Variants in SLC16A4 observed in about 807,000 individuals in gnomAD.
The protein encoded by SLC16A4 is solute carrier family 16 member 4.
In SLC16A4, 39 loss-of-function variants were observed where a neutral mutation model predicts 47.9. That is an observed-to-expected ratio of 0.81 (90% CI 0.63 to 1.06). SLC16A4 has a LOEUF of 1.06. Among genes scored for constraint, SLC16A4 ranks in the 50% least tolerant of loss-of-function variants. The pLI is 0.00. For synonymous variants in SLC16A4, 189 were observed against 199.9 expected (o/e 0.95, Z 0.46); for missense variants, 524 against 573.8 (o/e 0.91, Z 0.89).
intron 8 of SLC16A4, among the ~76,000 whole-genome samples, chr1:110,364,247 T>C (rs1354031283): frequency 2.0e-5 from 3 of 152,208 alleles, no homozygotes; most frequent in Non-Finnish European, 4.4e-5. Context: ...TTTCCTTTAC[T>C]AAACAAAGAC....
At chr1:110,380,935 C>T (rs779693345) in intron 5 of SLC16A4, 47 bp downstream of exon 5, 11 of 1,545,752 alleles carry the variant, frequency 7.1e-6, no homozygotes, top group South Asian at 1.1e-5. Flanking sequence ...GAAAGCTGAA[C>T]GCTAAATCTT....
chr1:110,376,873 A>G, intron 7 of SLC16A4, 77 bp downstream of exon 7: 4 of 1,166,716 alleles, frequency 3.4e-6, no homozygotes, highest in Non-Finnish European at 4.9e-6. Flanking sequence ...AATACAAAAT[A>G]CGTATTTTGG....
At chr1:110,380,636 GC>G (rs1406761431) in intron 5 of SLC16A4, among the ~76,000 whole-genome samples, 1 of 112,532 alleles carries the variant, frequency 8.9e-6, no homozygotes, top group African/African-American at 3.3e-5. Context: ...TGGGGCGGGG[GC>G]GGGGGGGGAA....
chr1:110,384,904 C>T (rs1328206240), intron 2 of SLC16A4, among the ~76,000 whole-genome samples: 1 of 152,108 alleles, frequency 6.6e-6, no homozygotes, highest in East Asian at 1.9e-4. Flanking sequence ...TCCCAGCTAC[C>T]TGGGAGGGTG....
At chr1:110,374,529 A>T (rs540338619) in intron 8 of SLC16A4, among the ~76,000 whole-genome samples, 182 of 152,242 alleles carry the variant, frequency 1.2e-3, no homozygotes, top group Non-Finnish European at 2.3e-3. Flanking sequence ...ACTGAAATAC[A>T]TTGAGAACCT....
rs766658793 is a variant in SLC16A4 at position 110,383,006 on chromosome 1, T to TAC, written c.88-41_88-40insGT. ...ACCAGAGTCCAACTCAGGTGGTAAG[T>TAC]GAGCCATTACAGAGGCAATTACGGC... On this transcript the variant is annotated intron_variant, in intron 2 of 8. Coordinates refer to ENST00000369779, the MANE Select transcript of SLC16A4 (RefSeq NM_004696.3). 5.8e-6 allele frequency: 9 copies of TAC among 1,543,844 alleles called. No individual in the cohort carries two copies. The South Asian group carries it at 1.1e-4, about 19-fold the overall frequency.
intron 8 of SLC16A4, among the ~76,000 whole-genome samples, chr1:110,368,392 C>G (rs1002638693): frequency 1.3e-5 from 2 of 152,144 alleles, no homozygotes; most frequent in Admixed American, 1.3e-4. Context: ...GCAGCTGATG[C>G]AGAATTATTA....
At chr1:110,366,132 A>T (rs1557900036) in intron 8 of SLC16A4, among the ~76,000 whole-genome samples, 4 of 128,210 alleles carry the variant, frequency 3.1e-5, no homozygotes, top group African/African-American at 6.0e-5. Context: ...ACACACACAC[A>T]CTCTTTCTCT....
chr1:110,379,501 TA>T (rs1389448251), intron 5 of SLC16A4, 145 bp from the exon 6 acceptor site: 2 of 707,830 alleles, frequency 2.8e-6, no homozygotes, highest in Non-Finnish European at 4.6e-6. Flanking sequence ...TTATTAGTCA[TA>T]TACACTGCTG....
intron 8 of SLC16A4, chr1:110,372,843 C>T (rs1053865489): frequency 1.4e-4 from 22 of 152,162 alleles, no homozygotes; most frequent in Non-Finnish European, 3.2e-4. Context: ...TTTTTATCCT[C>T]ACGTATGGTG....
chr1:110,382,748 AT>A lies in SLC16A4; in HGVS notation c.220+85del, dbSNP rs1300210620. 4 of 1,291,536 alleles carry A rather than the reference AT, an allele frequency of 3.1e-6. No individual in the cohort carries two copies. In the African/African-American group the frequency reaches 5.9e-5, roughly 19 times the overall value. 80.0% of individuals were successfully genotyped at this position (1,291,536 alleles called of 1,614,324 possible). A position where few individuals can be genotyped will look rare whatever the true frequency, so the allele number is the denominator to read the frequency against. On this transcript the variant is annotated intron_variant, in intron 3 of 8. Coordinates refer to ENST00000369779, the MANE Select transcript of SLC16A4 (RefSeq NM_004696.3). ...AATGAACCTTAATTTTAGAAACTGA[AT>A]TCCTATTCAGTCTTGAATAGGAATC...
In SLC16A4 at chr1:110,378,951, C is replaced by CT; in HGVS notation, c.931dup (p.Ser311LysfsTer22). ...GGTAGGGATGAAGTATGCTAACTGACTGAGGAGAAAAGACCAAGTAAATAT... is the reference window on the plus strand; with the variant it reads ...GGTAGGGATGAAGTATGCTAACTGACTTGAGGAGAAAAGACCAAGTAAATAT... On this transcript the variant is annotated frameshift_variant, in exon 6 of 9. Transcript: ENST00000369779. LOFTEE classifies it high-confidence loss of function. 1 of 1,614,144 alleles carries CT rather than the reference C, an allele frequency of 6.2e-7. No homozygotes were observed. Among genetic ancestry groups the CT allele is most frequent in the Non-Finnish European group, 8.5e-7 (1 of 1,180,036 alleles).
chr1:110,371,989 T>A (rs1327556487), intron 8 of SLC16A4: 2 of 152,172 alleles, frequency 1.3e-5, no homozygotes, highest in African/African-American at 4.8e-5. Context: ...ATGTAAGCAA[T>A]TGAGGTGTGT....
intron 2 of SLC16A4, among the ~76,000 whole-genome samples, chr1:110,385,232 C>A (rs1359083474): frequency 2.0e-5 from 3 of 152,162 alleles, no homozygotes; most frequent in Non-Finnish European, 4.4e-5. Flanking sequence ...GGCTGTTCTT[C>A]CTACTGGGGC....
chr1:110,368,658 T>C (rs1661525929), intron 8 of SLC16A4, among the ~76,000 whole-genome samples: 1 of 152,222 alleles, frequency 6.6e-6, no homozygotes, highest in South Asian at 2.1e-4. Flanking sequence ...TGTCTAGTAA[T>C]GTTTCCTGTG....
chr1:110,383,805 G>GTTTTTTTTTT lies in SLC16A4; in HGVS notation c.88-849_88-840dup, dbSNP rs71096348. Among the ~76,000 whole-genome samples, 144 of 65,756 alleles carry GTTTTTTTTTT rather than the reference G, an allele frequency of 2.2e-3. 5 individuals carry two copies. Among genetic ancestry groups the GTTTTTTTTTT allele is most frequent in the East Asian group, 0.019 (36 of 1,868 alleles). The allele number at this position is 65,756 out of a possible 152,430, so 43.1% of individuals were successfully genotyped here. On this transcript the variant is annotated intron_variant, in intron 2 of 8. Coordinates refer to ENST00000369779, the MANE Select transcript of SLC16A4 (RefSeq NM_004696.3). Reference sequence around the variant, plus strand: ...TTTTGGAAAGGGCTGTTAAAAGGAGGTTTTTTTTTTTTTTTTTTTTTTTTT... The same window carrying GTTTTTTTTTT: ...TTTTGGAAAGGGCTGTTAAAAGGAGGTTTTTTTTTTTTTTTTTTTTTTTTTTTTTTTTTTT...
chr1:110,380,908 T>TC (rs1282102517), intron 5 of SLC16A4, 74 bp downstream of exon 5: 1 of 1,355,726 alleles, frequency 7.4e-7, no homozygotes, highest in African/African-American at 1.4e-5. Context: ...AGTCTTAACT[T>TC]CCATTTCTCA....
At chr1:110,365,290 ACCCTC>A (rs1428060085) in intron 8 of SLC16A4, among the ~76,000 whole-genome samples, 2 of 150,680 alleles carry the variant, frequency 1.3e-5, no homozygotes, top group African/African-American at 2.4e-5. Flanking sequence ...TGTAGAGTAT[ACCCTC>A]CCCCACCTTT....
intron 8 of SLC16A4, among the ~76,000 whole-genome samples, chr1:110,367,915 G>A (rs1570628576): frequency 6.6e-6 from 1 of 151,988 alleles, no homozygotes; most frequent in African/African-American, 2.4e-5. Context: ...TCCCAGCTCC[G>A]CCTCCCGGAT....
Sources: allele counts gnomAD v4.1 joint callset (sites outside exome capture counted in the v4.1 genomes callset), GRCh38; gene constraint gnomAD v4.1.1; transcripts MANE v1.5; gene names NCBI Gene and HGNC (gene_info 2026-07-23, HGNC 2026-07-21).